The following ZNF236 variants were observed in gnomAD, a reference collection of about 807,000 sequenced individuals.
ZNF236 encodes regulated by glucose.
A neutral mutation model predicts 191.2 loss-of-function variants in ZNF236; 50 were observed. The ratio of observed to expected loss-of-function variants is 0.26; its 90% CI spans 0.21 to 0.33. The LOEUF is 0.33. Ranked by LOEUF, ZNF236 falls within the 10% of genes least tolerant of loss-of-function variation. The pLI, the probability that ZNF236 is intolerant of heterozygous loss-of-function variation, is 1.00. For missense variants in ZNF236, 1,754 were observed against 2,374.5 expected (o/e 0.74, Z 5.43); for synonymous variants, 907 against 928.8 (o/e 0.98, Z 0.43).
chr18:76,948,612 G>C (rs1270088620), intron 27 of ZNF236, among the ~76,000 whole-genome samples: 1 of 152,210 alleles, frequency 6.6e-6, no homozygotes, highest in Non-Finnish European at 1.5e-5. Flanking sequence ...AGAGAACCCA[G>C]GCACGAGCTT....
intron 4 of ZNF236, 110 bp downstream of exon 4, chr18:76,868,973 A>G: frequency 9.7e-7 from 1 of 1,031,972 alleles, no homozygotes; most frequent in Non-Finnish European, 1.4e-6. Flanking sequence ...AGCAAAGTGG[A>G]ACCCCACAGA....
intron 3 of ZNF236, among the ~76,000 whole-genome samples, chr18:76,863,878 T>C (rs188437889): frequency 6.6e-6 from 1 of 152,310 alleles, no homozygotes; most frequent in Admixed American, 6.5e-5. Flanking sequence ...AGAAGGAGGC[T>C]TGGAACTTCA....
At chr18:76,944,320 G>T (rs771795273) in intron 26 of ZNF236, among the ~76,000 whole-genome samples, 2 of 152,168 alleles carry the variant, frequency 1.3e-5, no homozygotes, top group Non-Finnish European at 2.9e-5. Context: ...CTTTACCTCA[G>T]TGTAAACCAA....
rs766936378 is a variant in ZNF236 at position 76,968,269 on chromosome 18, G to A, written c.5474G>A (p.Arg1825Gln). ...HPEQDGEELS[R>Q]TLHLEEVVQE... ...GAGCAGGACGGGGAGGAGCTGAGCCGGACCCTCCACCTGGAGGAGGTGGTG... is the reference window on the plus strand; with the variant it reads ...GAGCAGGACGGGGAGGAGCTGAGCCAGACCCTCCACCTGGAGGAGGTGGTG... Residue 1825 changes from arginine to glutamine, a missense_variant, in exon 31 of 31, where the codon CGG becomes CAG. Coordinates refer to ENST00000320610, the MANE Select transcript of ZNF236 (RefSeq NM_001306089.2). The A allele has an allele frequency of 1.2e-5, 20 of 1,611,606 alleles. No individual in the cohort carries two copies. The Admixed American group carries it at 2.5e-4, about 20-fold the overall frequency.
chr18:76,964,869 T>C (rs116827400), intron 30 of ZNF236, among the ~76,000 whole-genome samples: 5,353 of 152,280 alleles, frequency 0.035, 322 homozygotes, highest in African/African-American at 0.12. Flanking sequence ...TAAGCAATGA[T>C]ATTTTTGCAG....
chr18:76,829,713 A>C (rs1322106006), intron 1 of ZNF236, among the ~76,000 whole-genome samples: 1 of 152,240 alleles, frequency 6.6e-6, no homozygotes, highest in Non-Finnish European at 1.5e-5. Context: ...TTTTAATCAC[A>C]AAAAACATCT....
At chr18:76,899,311 G>C in intron 11 of ZNF236, 89 bp downstream of exon 11, 4 of 1,169,268 alleles carry the variant, frequency 3.4e-6, no homozygotes, top group Non-Finnish European at 3.6e-6. Flanking sequence ...TATGGTCTCT[G>C]TAGTTAAATA....
At chr18:76,914,125 C>T (rs1486107246) in intron 18 of ZNF236, among the ~76,000 whole-genome samples, 2 of 152,158 alleles carry the variant, frequency 1.3e-5, no homozygotes, top group East Asian at 1.9e-4. Context: ...CCCTCAATGC[C>T]CAGAACCTCA....
intron 25 of ZNF236, among the ~76,000 whole-genome samples, chr18:76,932,617 A>T (rs957959483): frequency 1.3e-5 from 2 of 152,074 alleles, no homozygotes; most frequent in African/African-American, 4.8e-5. Context: ...AGATGTCTGG[A>T]TTCATGCCCT....
intron 1 of ZNF236, among the ~76,000 whole-genome samples, chr18:76,847,180 G>A (rs1206901352): frequency 6.6e-6 from 1 of 152,064 alleles, no homozygotes; most frequent in Non-Finnish European, 1.5e-5. Flanking sequence ...TCATTTTTGG[G>A]CAACATATTA....
intron 9 of ZNF236, among the ~76,000 whole-genome samples, chr18:76,883,362 C>CTTTTTTTTTTTTTTTTTTTTTTTTTT (rs10581368): frequency 1.1e-5 from 1 of 93,084 alleles, no homozygotes; most frequent in Non-Finnish European, 2.2e-5. Flanking sequence ...GGAGCCAGTG[C>CTTTTTTTTTTTTTTTTTTTTTTTTTT]TTTTTTTTTT....
chr18:76,842,186 AT>A (rs1310856935), intron 1 of ZNF236, among the ~76,000 whole-genome samples: 9 of 151,876 alleles, frequency 5.9e-5, no homozygotes, highest in African/African-American at 1.9e-4. Flanking sequence ...GGCATTGATA[AT>A]ATGACTGGCC....
At chr18:76,840,222 C>T (rs1222548808) in intron 1 of ZNF236, among the ~76,000 whole-genome samples, 5 of 152,172 alleles carry the variant, frequency 3.3e-5, no homozygotes, top group South Asian at 2.1e-4. Context: ...CGGCCGGGTG[C>T]GGTGGCTCAC....
chr18:76,883,201 T>C (rs1209018478), intron 9 of ZNF236, among the ~76,000 whole-genome samples: 2 of 152,172 alleles, frequency 1.3e-5, no homozygotes, highest in South Asian at 2.1e-4. Context: ...CTGTACGGTA[T>C]TCTAGTTTGG....
At chr18:76,965,754 G>C (rs1968756573) in intron 30 of ZNF236, among the ~76,000 whole-genome samples, 1 of 152,248 alleles carries the variant, frequency 6.6e-6, no homozygotes, top group Non-Finnish European at 1.5e-5. Flanking sequence ...TGGTCTCTCA[G>C]CCATGGGTAC....
At chr18:76,878,203 T>G (rs1267829004) in intron 7 of ZNF236, 51 bp downstream of exon 7, 1 of 1,524,972 alleles carries the variant, frequency 6.6e-7, no homozygotes, top group Non-Finnish European at 8.9e-7. Context: ...ATCTGTCATT[T>G]TAAATATGAC....
chr18:76,924,860 G>A (rs3794867), intron 21 of ZNF236, among the ~76,000 whole-genome samples: 2,401 of 152,264 alleles, frequency 0.016, 29 homozygotes, highest in Middle Eastern at 0.02. Flanking sequence ...GAGCCGGGCT[G>A]TTAAGTCATA....
At chr18:76,869,907 G>A (rs1599349506) in intron 4 of ZNF236, among the ~76,000 whole-genome samples, 1 of 152,196 alleles carries the variant, frequency 6.6e-6, no homozygotes, top group Non-Finnish European at 1.5e-5. Context: ...AGTGAGCCGA[G>A]ATCGTGCCAC....
chr18:76,966,474 C>T lies in ZNF236; in HGVS notation c.5420-1741C>T, dbSNP rs537069830. On this transcript the variant is annotated intron_variant, in intron 30 of 30. Transcript: ENST00000320610. ...GCAAGCGCAGCATTTCTGAGCAGCT[C>T]GTTTCTCACTGGACAGAGCTTTCTG... is the stretch of plus-strand genomic sequence containing the variant. Among the ~76,000 whole-genome samples the T allele has an allele frequency of 5.3e-5, 8 of 152,272 alleles. No individual in the cohort carries two copies. The South Asian group carries it at 1.2e-3, about 24-fold the overall frequency.
Sources: gnomAD v4.1 joint callset for allele counts (sites outside exome capture counted in the v4.1 genomes callset) on GRCh38, gnomAD v4.1.1 for gene constraint, MANE v1.5 for transcripts, NCBI Gene and HGNC (gene_info 2026-07-23, HGNC 2026-07-21) for gene names.